AFG1L: variants seen among roughly 807,000 people sequenced by gnomAD.
AFG1L encodes AFG1-like ATPase.
Under a neutral mutation model 62.2 loss-of-function variants are expected in AFG1L, and 53 were observed. The observed-to-expected ratio is 0.85, with a 90% confidence interval of 0.68 to 1.07. The LOEUF (loss-of-function observed/expected upper bound fraction) is 1.07, where lower values mean the gene tolerates loss of function less well. AFG1L is among the 50% of genes least tolerant of loss of function. The pLI is 0.00. For synonymous variants in AFG1L, 228 were observed against 210.3 expected (o/e 1.08, Z -0.73); for missense variants, 555 against 590.5 (o/e 0.94, Z 0.62).
At chr6:108,332,675 A>G (rs1352622268) in intron 2 of AFG1L, among the ~76,000 whole-genome samples, 1 of 152,064 alleles carries the variant, frequency 6.6e-6, no homozygotes, top group South Asian at 2.1e-4. Flanking sequence ...GAGTGCAGTC[A>G]TGGCTCACTG....
At chr6:108,411,300 G>C (rs572997457) in intron 7 of AFG1L, among the ~76,000 whole-genome samples, 5 of 152,218 alleles carry the variant, frequency 3.3e-5, no homozygotes, top group African/African-American at 1.2e-4. Flanking sequence ...AGCTCAAGGA[G>C]GCCTACCTGC....
At chr6:108,472,832 C>T (rs1343662047) in intron 8 of AFG1L, among the ~76,000 whole-genome samples, 2 of 146,334 alleles carry the variant, frequency 1.4e-5, no homozygotes, top group African/African-American at 5.0e-5. Flanking sequence ...GAGTCATGGT[C>T]TCCCTCTGTA....
At chr6:108,404,303 G>A (rs1781757628) in intron 7 of AFG1L, among the ~76,000 whole-genome samples, 1 of 152,068 alleles carries the variant, frequency 6.6e-6, no homozygotes, top group African/African-American at 2.4e-5. Flanking sequence ...AAAGTATATT[G>A]TAAAATTCAT....
chr6:108,482,195 C>G (rs185323419), intron 10 of AFG1L, among the ~76,000 whole-genome samples: 43 of 151,740 alleles, frequency 2.8e-4, no homozygotes, highest in Admixed American at 8.6e-4. Context: ...TTCCAATAAC[C>G]AATGCTTGCT....
intron 7 of AFG1L, among the ~76,000 whole-genome samples, chr6:108,418,213 A>G (rs1034412829): frequency 2.6e-5 from 4 of 152,228 alleles, no homozygotes; most frequent in African/African-American, 9.6e-5. Context: ...GATAGTTTAT[A>G]CCAGGGTGGA....
intron 1 of AFG1L, 35 bp from the exon 2 acceptor site, chr6:108,323,790 T>C: frequency 6.6e-7 from 1 of 1,504,410 alleles, no homozygotes; most frequent in Non-Finnish European, 9.2e-7. Flanking sequence ...AAAATGTATT[T>C]AAGAAAGTCT....
intron 7 of AFG1L, among the ~76,000 whole-genome samples, chr6:108,442,395 A>G (rs1219398795): frequency 6.6e-6 from 1 of 152,144 alleles, no homozygotes; most frequent in Non-Finnish European, 1.5e-5. Context: ...AGGAGAGAGT[A>G]GAATGCATGT....
intron 10 of AFG1L, among the ~76,000 whole-genome samples, chr6:108,496,859 T>C (rs959395661): frequency 3.2e-4 from 48 of 152,374 alleles, no homozygotes; most frequent in Admixed American, 2.0e-3. Flanking sequence ...AAAACAAACA[T>C]ATAATTTTGC....
intron 8 of AFG1L, among the ~76,000 whole-genome samples, chr6:108,456,774 A>T (rs936020015): frequency 6.6e-6 from 1 of 152,192 alleles, no homozygotes; most frequent in Non-Finnish European, 1.5e-5. Context: ...CCAATGATGG[A>T]CCATAGCATA....
chr6:108,384,747 G>T (rs1457067192), intron 6 of AFG1L, among the ~76,000 whole-genome samples: 1 of 151,996 alleles, frequency 6.6e-6, no homozygotes, highest in Non-Finnish European at 1.5e-5. Context: ...TCTCAGCAGA[G>T]AACTGAAATC....
chr6:108,304,417 G>A (rs1036215800), intron 1 of AFG1L, among the ~76,000 whole-genome samples: 2 of 152,182 alleles, frequency 1.3e-5, no homozygotes, highest in African/African-American at 4.8e-5. Flanking sequence ...CATAAAATGG[G>A]CTGCCTATGA....
rs755062510 is a variant in AFG1L at position 108,476,844 on chromosome 6, CTAT to C, written c.891-16_891-14del. ...CTTCAAGTGTTATTAATTTCATATT[CTAT>C]TATTCTTTTCACTGTAGCACAAGTG... On this transcript the variant is annotated intron_variant, in intron 8 of 12. Transcript: ENST00000368977. 4 of 1,586,992 alleles carry C rather than the reference CTAT, an allele frequency of 2.5e-6. No individual in the cohort carries two copies. Among genetic ancestry groups the C allele is most frequent in the South Asian group, 1.1e-5 (1 of 90,426 alleles).
At chr6:108,373,089 A>G (rs1582462205) in intron 6 of AFG1L, among the ~76,000 whole-genome samples, 1 of 151,968 alleles carries the variant, frequency 6.6e-6, no homozygotes, top group Non-Finnish European at 1.5e-5. Flanking sequence ...TTTGTTACCT[A>G]TATATATTGC....
chr6:108,299,267 GA>G (rs202160469), intron 1 of AFG1L, among the ~76,000 whole-genome samples: 11,816 of 99,286 alleles, frequency 0.12, 901 homozygotes, highest in African/African-American at 0.28. Flanking sequence ...TCTCAAAAAA[GA>G]AAAAAAAAAA....
intron 7 of AFG1L, among the ~76,000 whole-genome samples, chr6:108,441,829 T>C (rs563638483): frequency 6.6e-6 from 1 of 152,038 alleles, no homozygotes; most frequent in South Asian, 2.1e-4. Flanking sequence ...CAGTGGTGAT[T>C]AGTGAATGTA....
At chr6:108,516,730 C>A (rs919134160) in intron 11 of AFG1L, among the ~76,000 whole-genome samples, 21 of 152,296 alleles carry the variant, frequency 1.4e-4, no homozygotes, top group Admixed American at 3.9e-4. Flanking sequence ...TTGCAGATGA[C>A]ATGATTGTAT....
chr6:108,498,300 G>A (rs1324576187), intron 10 of AFG1L, among the ~76,000 whole-genome samples: 1 of 152,146 alleles, frequency 6.6e-6, no homozygotes, highest in African/African-American at 2.4e-5. Context: ...TGGACAAGGA[G>A]GCAAGAACAA....
At chr6:108,367,004 C>A (rs1396694113) in intron 6 of AFG1L, among the ~76,000 whole-genome samples, 2 of 152,166 alleles carry the variant, frequency 1.3e-5, no homozygotes, top group African/African-American at 4.8e-5. Flanking sequence ...TCAGAAGTTA[C>A]ATTGCCAGTG....
chr6:108,386,605 G>A (rs1268526240), intron 6 of AFG1L, among the ~76,000 whole-genome samples: 1 of 152,168 alleles, frequency 6.6e-6, no homozygotes, highest in Non-Finnish European at 1.5e-5. Context: ...GAAGTGAAAT[G>A]CATCAGAAAT....
Sources: allele counts gnomAD v4.1 joint callset (sites outside exome capture counted in the v4.1 genomes callset), GRCh38; gene constraint gnomAD v4.1.1; transcripts MANE v1.5; gene names NCBI Gene and HGNC (gene_info 2026-07-23, HGNC 2026-07-21).